Variants in NOP9 observed in about 807,000 individuals in gnomAD.
The protein encoded by NOP9 is nucleolar protein 9.
A neutral mutation model predicts 63.0 loss-of-function variants in NOP9; 50 were observed. The observed-to-expected ratio is 0.79, with a 90% CI of 0.63 to 1.00. NOP9 has a LOEUF of 1.00. Among genes scored for constraint, NOP9 ranks in the 50% least tolerant of loss-of-function variants. The probability of loss-of-function intolerance (pLI) is 0.00; values close to 1 mark genes in which losing one functional copy is unlikely to be tolerated. For missense variants in NOP9, 758 were observed against 803.0 expected (o/e 0.94, Z 0.68); for synonymous variants, 343 against 332.8 (o/e 1.03, Z -0.33).
Position 24,304,130 on chromosome 14 carries a change from T to G in NOP9, c.1500T>G (p.Gly500=), listed in dbSNP as rs1019653761. ...LQHLLHFSTP[G]LVLRSLGALT... is the part of the protein sequence containing the mutation. ...ATCTGCTGCACTTCTCCACTCCTGG[T>G]CTTGTACTTCGAAGTCTGGGTGCCT... The change falls in exon 8 of 10, where the codon GGT becomes GGG. Residue 500 remains glycine (G), a synonymous_variant. Coordinates refer to ENST00000267425, the MANE Select transcript of NOP9 (RefSeq NM_174913.3). The G allele has an allele frequency of 6.2e-7, 1 of 1,614,250 alleles. No homozygotes were observed. Among genetic ancestry groups the G allele is most frequent in the African/African-American group, 1.3e-5 (1 of 75,068 alleles).
At chr14:24,298,837 A>C (rs1027122005), upstream of NOP9, 48 of 1,167,918 alleles carry the variant, frequency 4.1e-5, no homozygotes, top group Middle Eastern at 2.2e-4. Context: ...ACTTTGAATA[A>C]ATATTCACAT....
At chr14:24,286,387 TC>T in the NOP9 span, among the ~76,000 whole-genome samples, 1 of 152,140 alleles carries the variant, frequency 6.6e-6, no homozygotes. Flanking sequence ...TCTGCCTCTC[TC>T]CTCCCTCTAG....
chr14:24,307,250 G>T lies in NOP9; in HGVS notation c.*2155G>T. The T allele has an allele frequency of 9.1e-7, 1 of 1,099,988 alleles. No individual in the cohort carries two copies. Among genetic ancestry groups the T allele is most frequent in the Non-Finnish European group, 1.3e-6 (1 of 756,552 alleles). 68.1% of individuals were successfully genotyped at this position (1,099,988 alleles called of 1,614,324 possible). On this transcript the variant is annotated 3_prime_UTR_variant, in exon 10 of 10. Transcript: ENST00000267425. The stretch of plus-strand genomic sequence containing the variant: ...CATTAGGCCCACTCCGCTGCTTTTA[G>T]CCCTCAGAGGGAGGGGCAGCTGTGT...
the NOP9 span, chr14:24,292,049 A>G: frequency 9.0e-7 from 1 of 1,116,352 alleles, no homozygotes; most frequent in Non-Finnish European, 1.3e-6. Flanking sequence ...GATTAAAGGA[A>G]ATAATGTGTG....
the NOP9 span, chr14:24,290,692 G>A: frequency 1.4e-6 from 1 of 731,484 alleles, no homozygotes; most frequent in Middle Eastern, 4.0e-4. Flanking sequence ...AAGGCACAAA[G>A]AAGGGACCTA....
rs553174329 is a variant in NOP9, at chr14:24,303,830, G to A, written c.1383G>A (p.Glu461=). ...AYEVYYGLTE[E]EGAVPAEHQV... ...AGGTGTACTATGGACTGACGGAGGA[G>A]GAGGGGGCAGTGCCTGCAGAGCACC... is the stretch of plus-strand genomic sequence containing the variant. Residue 461 remains glutamate (E), a synonymous_variant, in exon 7 of 10, where the codon GAG becomes GAA. Coordinates refer to ENST00000267425, the MANE Select transcript of NOP9 (RefSeq NM_174913.3). The A allele has an allele frequency of 6.2e-7, 1 of 1,614,210 alleles. No individual in the cohort carries two copies. The highest frequency in any genetic ancestry group is 2.2e-5 in the East Asian group (1 of 44,886).
chr14:24,273,717 A>G, the NOP9 span, among the ~76,000 whole-genome samples: 4 of 152,242 alleles, frequency 2.6e-5, no homozygotes, highest in Non-Finnish European at 4.4e-5. Context: ...GTGCACACAC[A>G]CAGAATTACA....
rs757875722 is a variant in NOP9 at position 24,305,994 on chromosome 14, G to A, written c.*899G>A. Reference sequence around the variant, plus strand: ...GTCCTTGAAAGTCACAACTCATAGAGTAGAGCCCGTAGAATGTGGCTTTGA... The same window carrying A: ...GTCCTTGAAAGTCACAACTCATAGAATAGAGCCCGTAGAATGTGGCTTTGA... On this transcript the variant is annotated 3_prime_UTR_variant, in exon 10 of 10. Coordinates refer to ENST00000267425, the MANE Select transcript of NOP9 (RefSeq NM_174913.3). The A allele has an allele frequency of 2.5e-6, 4 of 1,614,176 alleles. No homozygotes were observed. The highest frequency in any genetic ancestry group is 3.3e-5 in the Admixed American group (2 of 60,024).
chr14:24,300,643 A>G lies in NOP9; in HGVS notation c.483A>G (p.Ala161=), dbSNP rs1050380282. The change falls in exon 2 of 10, where the codon GCA becomes GCG. Residue 161 remains alanine, a synonymous_variant. Coordinates refer to ENST00000267425, the MANE Select transcript of NOP9 (RefSeq NM_174913.3). ...LQLPRLLGSA[A]EEEEEEEEDG... Reference sequence around the variant, plus strand: ...TCCCTCGATTGCTGGGGAGTGCTGCAGAGGAGGAGGAGGAGGAGGAGGAGG... The same window carrying G: ...TCCCTCGATTGCTGGGGAGTGCTGCGGAGGAGGAGGAGGAGGAGGAGGAGG... 4.3e-5 allele frequency: 68 copies of G among 1,577,580 alleles called. No individual in the cohort carries two copies. The highest frequency in any genetic ancestry group is 5.7e-5 in the Non-Finnish European group (66 of 1,151,220).
upstream of NOP9, chr14:24,299,705 G>A (rs2041329259): frequency 1.7e-5 from 8 of 469,460 alleles, no homozygotes; most frequent in Non-Finnish European, 3.0e-5. Context: ...GTAGGACCCG[G>A]GGCGATTCTG....
Position 24,307,961 on chromosome 14 carries a change from C to T in NOP9, c.*2866C>T. The T allele has an allele frequency of 1.8e-6, 2 of 1,107,014 alleles. No individual in the cohort carries two copies. The highest frequency in any genetic ancestry group is 5.2e-5 in the East Asian group (2 of 38,604). 68.6% of individuals were successfully genotyped at this position (1,107,014 alleles called of 1,614,324 possible). On this transcript the variant is annotated 3_prime_UTR_variant, in exon 10 of 10. Coordinates refer to ENST00000267425, the MANE Select transcript of NOP9 (RefSeq NM_174913.3). Reference sequence around the variant, plus strand: ...CTGTTACAAACCTGGGATCTCAGCCCAGGACAAGGTGGGAATGAGTCAAGC... The same window carrying T: ...CTGTTACAAACCTGGGATCTCAGCCTAGGACAAGGTGGGAATGAGTCAAGC...
Position 24,300,642 on chromosome 14 carries a change from C to T in NOP9, c.482C>T (p.Ala161Val). The T allele has an allele frequency of 9.9e-7, 1 of 1,011,822 alleles. No homozygotes were observed. Among genetic ancestry groups the T allele is most frequent in the Non-Finnish European group, 1.5e-6 (1 of 666,198 alleles). The allele number at this position is 1,011,822 out of a possible 1,614,324, so 62.7% of individuals were successfully genotyped here. A position where few individuals can be genotyped will look rare whatever the true frequency, so the allele number is the denominator to read the frequency against. The change falls in exon 2 of 10, where the codon GCA becomes GTA. Residue 161 changes from alanine (A) to valine (V), a missense_variant. By Grantham distance (64) the Ala-to-Val change is moderately conservative. Transcript: ENST00000267425. ...CTCCCTCGATTGCTGGGGAGTGCTG[C>T]AGAGGAGGAGGAGGAGGAGGAGGAG... Reference protein sequence around the residue: ...LQLPRLLGSAAEEEEEEEEDG... With the variant: ...LQLPRLLGSAVEEEEEEEEDG...
chr14:24,285,229 T>G, the NOP9 span, among the ~76,000 whole-genome samples: 5 of 152,308 alleles, frequency 3.3e-5, no homozygotes, highest in South Asian at 1.0e-3. Context: ...TAGAGGAGAC[T>G]GGGGCTGGGC....
At chr14:24,297,004 A>T, upstream of NOP9, 3 of 1,362,802 alleles carry the variant, frequency 2.2e-6, no homozygotes, top group Non-Finnish European at 3.0e-6. Flanking sequence ...CCTGCTGCAG[A>T]GGCAACATGG....
At chr14:24,283,498 G>C in the NOP9 span, among the ~76,000 whole-genome samples, 1 of 152,204 alleles carries the variant, frequency 6.6e-6, no homozygotes, top group Non-Finnish European at 1.5e-5. Context: ...TACTCAGGGG[G>C]CTGAGGTGGG....
the NOP9 span, chr14:24,293,087 T>C: frequency 8.8e-6 from 3 of 339,446 alleles, no homozygotes; most frequent in Non-Finnish European, 5.3e-6. Context: ...AAATGTATAG[T>C]GTCTACATAG....
the NOP9 span, among the ~76,000 whole-genome samples, chr14:24,282,879 A>G: frequency 6.6e-6 from 1 of 152,166 alleles, no homozygotes; most frequent in Non-Finnish European, 1.5e-5. Context: ...CCTTGCTTCA[A>G]GCTGAGCCTG....
the NOP9 span, among the ~76,000 whole-genome samples, chr14:24,277,259 A>G: frequency 2.1e-4 from 32 of 152,292 alleles, no homozygotes; most frequent in East Asian, 5.6e-3. Context: ...AGGAAGGGCT[A>G]CTTCTCACAT....
chr14:24,278,892 A>G, the NOP9 span, among the ~76,000 whole-genome samples: 1 of 152,198 alleles, frequency 6.6e-6, no homozygotes. Flanking sequence ...AGAAGAGCCC[A>G]TGACCACAGG....
Sources: allele counts gnomAD v4.1 joint callset (sites outside exome capture counted in the v4.1 genomes callset), GRCh38; gene constraint gnomAD v4.1.1; transcripts MANE v1.5; gene names NCBI Gene and HGNC (gene_info 2026-07-23, HGNC 2026-07-21).